SLC13A3: variants seen among roughly 807,000 people sequenced by gnomAD.
The protein encoded by SLC13A3 is Na(+)/dicarboxylate cotransporter 3.
A neutral mutation model predicts 59.0 loss-of-function variants in SLC13A3; 40 were observed. The ratio of observed to expected loss-of-function variants is 0.68; its 90% confidence interval spans 0.53 to 0.88. The LOEUF (loss-of-function observed/expected upper bound fraction) is 0.88, where lower values mean the gene tolerates loss of function less well. Ranked by LOEUF, SLC13A3 falls within the 40% of genes least tolerant of loss-of-function variation. The pLI, the probability that SLC13A3 is intolerant of heterozygous loss-of-function variation, is 0.00. For synonymous variants in SLC13A3, 317 were observed against 330.3 expected (o/e 0.96, Z 0.44); for missense variants, 699 against 783.2 (o/e 0.89, Z 1.28).
intron 1 of SLC13A3, among the ~76,000 whole-genome samples, chr20:46,620,106 C>T (rs1164105647): frequency 1.3e-5 from 2 of 152,164 alleles, no homozygotes; most frequent in East Asian, 1.9e-4. Flanking sequence ...TTGCAAAATT[C>T]AGAATATCTC....
At chr20:46,678,533 T>G (rs959200288) in intron 1 of SLC13A3, among the ~76,000 whole-genome samples, 1 of 152,174 alleles carries the variant, frequency 6.6e-6, no homozygotes, top group Non-Finnish European at 1.5e-5. Flanking sequence ...CTCTTTACCA[T>G]CAGGGGTGGC....
At chr20:46,651,283 G>T (rs532746885) in intron 1 of SLC13A3, 28 bp downstream of exon 1, 2 of 1,462,174 alleles carry the variant, frequency 1.4e-6, no homozygotes, top group East Asian at 2.9e-5. Flanking sequence ...GTGGTTGACC[G>T]GGGGCGCACA....
At chr20:46,640,312 G>A (rs1287881739) in intron 1 of SLC13A3, among the ~76,000 whole-genome samples, 7 of 152,168 alleles carry the variant, frequency 4.6e-5, no homozygotes, top group African/African-American at 1.4e-4. Flanking sequence ...CTGCAGGAGA[G>A]TAGAGCTAAA....
At chr20:46,647,587 G>C (rs919562416) in intron 1 of SLC13A3, among the ~76,000 whole-genome samples, 1 of 152,150 alleles carries the variant, frequency 6.6e-6, no homozygotes, top group African/African-American at 2.4e-5. Flanking sequence ...TGCTGGAAGC[G>C]GCAGCCATGC....
chr20:46,599,456 G>A (rs1288243393), intron 4 of SLC13A3, among the ~76,000 whole-genome samples: 3 of 152,216 alleles, frequency 2.0e-5, no homozygotes, highest in African/African-American at 4.8e-5. Context: ...GCCAGAGTTC[G>A]AAGTCAGGTG....
chr20:46,564,894 T>C (rs568596620), intron 11 of SLC13A3, among the ~76,000 whole-genome samples: 16 of 152,356 alleles, frequency 1.1e-4, no homozygotes, highest in Middle Eastern at 3.4e-3. Flanking sequence ...TCTCCCGTCA[T>C]TGAAAAATAA....
At position 46,583,687 on chromosome 20, in the gene SLC13A3, C is replaced by G. The variant is rs757699751; in HGVS notation, c.1122-18G>C. ...AAAGAAACCTACAATGAGAAGGCCCCAAATCACGTGACCATGGGCATCTCA... is the reference window on the plus strand; with the variant it reads ...AAAGAAACCTACAATGAGAAGGCCCGAAATCACGTGACCATGGGCATCTCA... On this transcript the variant is annotated intron_variant, in intron 8 of 12. Coordinates refer to ENST00000279027, the MANE Select transcript of SLC13A3 (RefSeq NM_022829.6). 11 of 1,613,822 alleles carry G rather than the reference C, an allele frequency of 6.8e-6. No individual in the cohort carries two copies. In the South Asian group the frequency reaches 1.2e-4, roughly 18 times the overall value.
At chr20:46,653,193 G>A (rs777550338), upstream of SLC13A3, among the ~76,000 whole-genome samples, 15 of 152,086 alleles carry the variant, frequency 9.9e-5, no homozygotes, top group East Asian at 1.9e-4. Context: ...ATTTCTCCCC[G>A]TCTGTAGCTT....
chr20:46,589,098 G>A (rs2062225615), intron 7 of SLC13A3, 62 bp downstream of exon 7: 1 of 1,468,684 alleles, frequency 6.8e-7, no homozygotes, highest in Non-Finnish European at 9.4e-7. Flanking sequence ...GCCAGGCCAG[G>A]AGGAAGCTCT....
intron 1 of SLC13A3, among the ~76,000 whole-genome samples, chr20:46,614,045 A>G (rs2062530799): frequency 6.6e-6 from 1 of 152,270 alleles, no homozygotes. Flanking sequence ...GATAAAGACG[A>G]GAATGAAAAT....
intron 11 of SLC13A3, among the ~76,000 whole-genome samples, 176 bp from the exon 12 acceptor site, chr20:46,563,727 GAAGA>G (rs1351611918): frequency 3.3e-5 from 5 of 152,272 alleles, no homozygotes; most frequent in African/African-American, 1.2e-4. Context: ...GGACAAGTGA[GAAGA>G]GAGAGTTAGA....
chr20:46,566,607 T>A, intron 10 of SLC13A3: 1 of 475,082 alleles, frequency 2.1e-6, no homozygotes, highest in Non-Finnish European at 3.7e-6. Flanking sequence ...TGCTCTCCAC[T>A]CTATCTCATA....
At chr20:46,607,483 T>A (rs6124828) in intron 3 of SLC13A3, among the ~76,000 whole-genome samples, 29,798 of 152,168 alleles carry the variant, frequency 0.2, 3,159 homozygotes, top group East Asian at 0.44. Context: ...TCTTAGAAGC[T>A]GATCATTAAC....
chr20:46,578,790 AG>A (rs2062104114), intron 9 of SLC13A3, among the ~76,000 whole-genome samples: 1 of 152,074 alleles, frequency 6.6e-6, no homozygotes, highest in East Asian at 1.9e-4. Context: ...TAGTGAGGGA[AG>A]GTTTCTCAGG....
rs1246902952 is a variant in SLC13A3, at chr20:46,560,204, A to G, written c.1633-6T>C. Reference sequence around the variant, plus strand: ...ATCAGGAGGCCTGTCCGCACCTGAAATAGAGCCCAGACAGAGGGAGGGGTC... The same window carrying G: ...ATCAGGAGGCCTGTCCGCACCTGAAGTAGAGCCCAGACAGAGGGAGGGGTC... On this transcript the variant is annotated splice_polypyrimidine_tract_variant and splice_region_variant and intron_variant, in intron 12 of 12. Transcript: ENST00000279027. 15 of 1,614,054 alleles carry G rather than the reference A, an allele frequency of 9.3e-6. No homozygotes were observed. The highest frequency in any genetic ancestry group is 1.3e-5 in the Non-Finnish European group (15 of 1,179,960).
intron 1 of SLC13A3, among the ~76,000 whole-genome samples, chr20:46,660,559 T>A (rs1714190264): frequency 6.6e-6 from 1 of 152,222 alleles, no homozygotes; most frequent in Non-Finnish European, 1.5e-5. Flanking sequence ...TGGCTACTTG[T>A]AAGATCTCTT....
intron 9 of SLC13A3, among the ~76,000 whole-genome samples, chr20:46,580,567 T>C (rs1885645446): frequency 6.6e-6 from 1 of 152,026 alleles, no homozygotes; most frequent in African/African-American, 2.4e-5. Context: ...TTGTAACCCC[T>C]GATCTATAAA....
intron 3 of SLC13A3, among the ~76,000 whole-genome samples, chr20:46,609,819 A>G (rs1195712064): frequency 2.0e-5 from 3 of 152,236 alleles, no homozygotes; most frequent in Admixed American, 1.3e-4. Flanking sequence ...CACACCACAG[A>G]GAGCGCTACA....
upstream of SLC13A3, among the ~76,000 whole-genome samples, chr20:46,674,604 C>CGCGTGTGT (rs370861850): frequency 6.5e-4 from 83 of 127,950 alleles, no homozygotes; most frequent in South Asian, 3.5e-3. Context: ...CGCGCGCGCG[C>CGCGTGTGT]GTGTGTGTGT....
Sources: gnomAD v4.1 joint callset for allele counts (sites outside exome capture counted in the v4.1 genomes callset) on GRCh38, gnomAD v4.1.1 for gene constraint, MANE v1.5 for transcripts, NCBI Gene and HGNC (gene_info 2026-07-23, HGNC 2026-07-21) for gene names.